HLTF: variants seen among roughly 807,000 people sequenced by gnomAD.
HLTF encodes the protein helicase like transcription factor.
In HLTF, 127 loss-of-function variants were observed where a neutral mutation model predicts 129.4. The observed-to-expected ratio is 0.98, with a 90% CI of 0.85 to 1.14. The LOEUF (loss-of-function observed/expected upper bound fraction) is 1.14. Ranked by LOEUF, HLTF falls within the 50% of genes most tolerant of loss-of-function variation. The pLI, the probability that HLTF is intolerant of heterozygous loss-of-function variation, is 0.00. For synonymous variants in HLTF, 332 were observed against 388.8 expected (o/e 0.85, Z 1.72); for missense variants, 1,139 against 1,187.1 (o/e 0.96, Z 0.60).
intron 8 of HLTF, 45 bp from the exon 9 acceptor site, chr3:149,064,911 T>A: frequency 1.0e-6 from 1 of 998,718 alleles, no homozygotes; most frequent in Non-Finnish European, 1.6e-6. Flanking sequence ...CTATCAGTTT[T>A]AAATAACTTT....
In HLTF at chr3:149,032,345, T is replaced by G; in HGVS notation, c.2905A>C (p.Asn969His). Residue 969 changes from asparagine (N) to histidine (H), a missense_variant, in exon 25 of 25, where the codon AAT (asparagine) becomes CAT (histidine). Asn to His is a moderately conservative substitution (Grantham distance 68). Coordinates refer to ENST00000310053, the MANE Select transcript of HLTF (RefSeq NM_003071.4). ...TTTTTGTTTTGTATTTTCAGCATAT[T>G]TTCTTCAACAGAGTCCTTTACAATG... is the stretch of plus-strand genomic sequence containing the variant. ...KFIVKDSVEE[N>H]MLKIQNKKRE... 2.5e-6 allele frequency: 4 copies of G among 1,581,664 alleles called. No homozygotes were observed. The South Asian group carries it at 4.7e-5, about 19-fold the overall frequency.
intron 20 of HLTF, 137 bp from the exon 21 acceptor site, chr3:149,040,293 C>A (rs374957345): frequency 2.8e-6 from 2 of 723,138 alleles, no homozygotes. Flanking sequence ...TGGATTTCAT[C>A]CATTTAAGAG....
At chr3:149,055,816 G>C (rs1576595758) in intron 13 of HLTF, among the ~76,000 whole-genome samples, 1 of 152,320 alleles carries the variant, frequency 6.6e-6, no homozygotes, top group African/African-American at 2.4e-5. Flanking sequence ...GGACTGGTCT[G>C]TGTGACCAAC....
rs371028097 is a variant in HLTF at position 149,041,509 on chromosome 3, T to C, written c.2357A>G (p.Gln786Arg). 1 of 1,612,816 alleles carries C rather than the reference T, an allele frequency of 6.2e-7. No homozygotes were observed. The highest frequency in any genetic ancestry group is 1.3e-5 in the African/African-American group (1 of 74,884). The change falls in exon 20 of 25, where the codon CAA becomes CGA. Residue 786 changes from glutamine to arginine, a missense_variant. Coordinates refer to ENST00000310053, the MANE Select transcript of HLTF (RefSeq NM_003071.4). ...AHVFCKPCICQVIQNEQPHAK... is the reference protein window; with the variant it reads ...AHVFCKPCICRVIQNEQPHAK... Reference sequence around the variant, plus strand: ...ACTAACCTGCTCATTCTGAATGACTTGGCAAATACAGGGTTTACAAAATAC... The same window carrying C: ...ACTAACCTGCTCATTCTGAATGACTCGGCAAATACAGGGTTTACAAAATAC...
At chr3:149,035,472 C>G (rs933888539) in intron 23 of HLTF, among the ~76,000 whole-genome samples, 27 of 151,948 alleles carry the variant, frequency 1.8e-4, no homozygotes, top group African/African-American at 6.5e-4. Context: ...TCCTGGCTAA[C>G]ACAGTGAAAC....
intron 23 of HLTF, among the ~76,000 whole-genome samples, chr3:149,036,448 C>G (rs1715640073): frequency 6.6e-6 from 1 of 151,732 alleles, no homozygotes; most frequent in South Asian, 2.1e-4. Context: ...GCCACCATGC[C>G]CCGCTAATTT....
At chr3:149,065,813 A>T (rs1348605226) in intron 8 of HLTF, among the ~76,000 whole-genome samples, 1 of 152,176 alleles carries the variant, frequency 6.6e-6, no homozygotes, top group African/African-American at 2.4e-5. Context: ...TGTCTCAAAA[A>T]ATAAAATTAA....
At position 149,084,907 on chromosome 3, in the gene HLTF, C is replaced by T. The variant is rs1720222842; in HGVS notation, c.21-18G>A. Reference sequence around the variant, plus strand: ...CTGGATCCCTATTTTTTTTTAAAGGCAAAGAAAAACAATATAATATTTAAG... The same window carrying T: ...CTGGATCCCTATTTTTTTTTAAAGGTAAAGAAAAACAATATAATATTTAAG... On this transcript the variant is annotated intron_variant, in intron 1 of 24. Transcript: ENST00000310053. 1.3e-6 allele frequency: 2 copies of T among 1,528,490 alleles called. No individual in the cohort carries two copies. Among genetic ancestry groups the T allele is most frequent in the African/African-American group, 2.8e-5 (2 of 72,530 alleles). 94.7% of individuals were successfully genotyped at this position (1,528,490 alleles called of 1,614,324 possible).
rs1241996821 is a variant in HLTF at position 149,032,111 on chromosome 3, G to A, written c.*109C>T. ...ATACCTCTTCACTAATATAAAATAT[G>A]CCCCTTTTAGAAGACGTGTTCTCTA... On this transcript the variant is annotated 3_prime_UTR_variant, in exon 25 of 25. Transcript: ENST00000310053. The A allele has an allele frequency of 4.1e-6, 3 of 732,912 alleles. No individual in the cohort carries two copies. Among genetic ancestry groups the A allele is most frequent in the Admixed American group, 3.4e-5 (1 of 29,414 alleles). 45.4% of individuals were successfully genotyped at this position (732,912 alleles called of 1,614,324 possible).
At chr3:149,054,821 G>A (rs1190974211) in intron 14 of HLTF, among the ~76,000 whole-genome samples, 1 of 152,158 alleles carries the variant, frequency 6.6e-6, no homozygotes, top group Non-Finnish European at 1.5e-5. Context: ...GTGTTTCAAT[G>A]TGGGCACCTG....
intron 2 of HLTF, chr3:149,083,569 T>C (rs936241193): frequency 1.3e-5 from 2 of 151,886 alleles, no homozygotes; most frequent in African/African-American, 4.8e-5. Context: ...CAGAAATGCA[T>C]ATGAGAGCCA....
chr3:149,051,388 G>A (rs1332039544), intron 14 of HLTF, among the ~76,000 whole-genome samples: 1 of 152,142 alleles, frequency 6.6e-6, no homozygotes, highest in African/African-American at 2.4e-5. Context: ...AGTGAGAGGT[G>A]TAGATATGAA....
intron 2 of HLTF, among the ~76,000 whole-genome samples, chr3:149,083,120 G>A (rs1157860447): frequency 2.0e-5 from 3 of 151,928 alleles, no homozygotes; most frequent in African/African-American, 7.3e-5. Flanking sequence ...GCATGATGGC[G>A]CATGCCTGTA....
chr3:149,030,661 C>T lies in HLTF; in HGVS notation c.*1559G>A, dbSNP rs936946059. The T allele has an allele frequency of 1.3e-5, 2 of 152,144 alleles. No homozygotes were observed. The highest frequency in any genetic ancestry group is 3.9e-4 in the East Asian group (2 of 5,194). 9.4% of individuals were successfully genotyped at this position (152,144 alleles called of 1,614,324 possible). A position where few individuals can be genotyped will look rare whatever the true frequency, so the allele number is the denominator to read the frequency against. ...ATGCTTGATCTACCAGGTAACTTCC[C>T]AACTGCTCCTAATGCTAGCGGGCTA... On this transcript the variant is annotated 3_prime_UTR_variant, in exon 25 of 25. Transcript: ENST00000310053.
chr3:149,077,837 A>G (rs1719513361), intron 2 of HLTF, among the ~76,000 whole-genome samples: 1 of 152,116 alleles, frequency 6.6e-6, no homozygotes, highest in Admixed American at 6.6e-5. Flanking sequence ...AACATACAGA[A>G]GTTCTCAGCA....
chr3:149,063,041 A>G, intron 10 of HLTF: 1 of 456,622 alleles, frequency 2.2e-6, no homozygotes, highest in Non-Finnish European at 4.4e-6. Context: ...TATAAGGGTC[A>G]TGGTCATCTC....
intron 23 of HLTF, among the ~76,000 whole-genome samples, chr3:149,038,589 A>G (rs751954085): frequency 4.0e-5 from 6 of 151,838 alleles, no homozygotes; most frequent in Non-Finnish European, 7.4e-5. Flanking sequence ...TGAAACTTCA[A>G]CCTCCTGGGC....
At chr3:149,080,795 CCAG>C (rs1027756751) in intron 2 of HLTF, among the ~76,000 whole-genome samples, 1 of 151,280 alleles carries the variant, frequency 6.6e-6, no homozygotes, top group African/African-American at 2.4e-5. Context: ...AAACATGGTC[CCAG>C]CAGCAAGAAA....
Position 149,084,889 on chromosome 3 carries a change from C to A in HLTF, c.21G>T (p.Arg7Ser), listed in dbSNP as rs1243448379. The change falls in exon 2 of 25, where the codon AGG (arginine) becomes AGT (serine). Residue 7 changes from arginine to serine, a missense_variant and splice_region_variant. Physicochemically the swap from Arg to Ser is moderately radical, Grantham distance 110. Coordinates refer to ENST00000310053, the MANE Select transcript of HLTF (RefSeq NM_003071.4). ...TCTGCAAGTACTTCCAAACTGGATCCCTATTTTTTTTTAAAGGCAAAGAAA... is the reference window on the plus strand; with the variant it reads ...TCTGCAAGTACTTCCAAACTGGATCACTATTTTTTTTTAAAGGCAAAGAAA... The part of the protein sequence containing the change: MSWMFK[R>S]DPVWKYLQTV... The A allele has an allele frequency of 6.2e-7, 1 of 1,608,422 alleles. No homozygotes were observed.
Sources: allele counts gnomAD v4.1 joint callset (sites outside exome capture counted in the v4.1 genomes callset), GRCh38; gene constraint gnomAD v4.1.1; transcripts MANE v1.5; gene names NCBI Gene and HGNC (gene_info 2026-07-23, HGNC 2026-07-21).